Variants in ANO1 observed in about 807,000 individuals in gnomAD.
ANO1 encodes the protein anoctamin 1.
In ANO1, 59 loss-of-function variants were observed where a neutral mutation model predicts 124.0. The observed-to-expected ratio is 0.48, with a 90% CI of 0.39 to 0.59. The LOEUF is 0.59. ANO1 is among the 20% of genes least tolerant of loss of function. The probability of loss-of-function intolerance (pLI) is 0.00; values close to 1 mark genes in which losing one functional copy is unlikely to be tolerated. For missense variants in ANO1, 1,059 were observed against 1,328.0 expected, an observed-to-expected ratio of 0.80 and a Z score of 3.15; for synonymous variants, 529 against 532.0, an observed-to-expected ratio of 0.99 and a Z score of 0.08.
intron 7 of ANO1, 52 bp from the exon 8 acceptor site, chr11:70,116,406 C>T: frequency 6.5e-7 from 1 of 1,535,990 alleles, no homozygotes; most frequent in Non-Finnish European, 8.9e-7. Context: ...ATGTGAGCGC[C>T]TCCAAAGCTC....
At chr11:70,108,797 G>A (rs1015359543) in intron 6 of ANO1, among the ~76,000 whole-genome samples, 3 of 152,258 alleles carry the variant, frequency 2.0e-5, no homozygotes, top group South Asian at 2.1e-4. Flanking sequence ...TGGCTGTTCC[G>A]GACCCTTAAA....
intron 1 of ANO1, among the ~76,000 whole-genome samples, chr11:70,081,427 A>G (rs2044196776): frequency 6.6e-6 from 1 of 152,210 alleles, no homozygotes; most frequent in African/African-American, 2.4e-5. Context: ...AACGTGCCCC[A>G]TAATCGTACA....
chr11:70,172,540 G>C (rs1161169584), intron 22 of ANO1, among the ~76,000 whole-genome samples: 1 of 152,166 alleles, frequency 6.6e-6, no homozygotes, highest in Non-Finnish European at 1.5e-5. Flanking sequence ...ATAGCTTTGG[G>C]TTGAGCTTTT....
chr11:70,164,745 G>A (rs547160279), intron 19 of ANO1, among the ~76,000 whole-genome samples: 2 of 152,292 alleles, frequency 1.3e-5, no homozygotes, highest in African/African-American at 4.8e-5. Context: ...AGGGACATTA[G>A]GCCTCAGAGG....
rs1316084903 is a variant in ANO1, at chr11:70,108,419, G to A, written c.799+15G>A. 3.1e-6 allele frequency: 5 copies of A among 1,610,566 alleles called. No individual in the cohort carries two copies. Among genetic ancestry groups the A allele is most frequent in the African/African-American group, 1.3e-5 (1 of 74,950 alleles). ...GTACAGCATGGGTAAGCACGTTTTT[G>A]GGGCTTGAGATCAGCATTGGTTTCC... On this transcript the variant is annotated intron_variant, in intron 6 of 25. Transcript: ENST00000355303.
chr11:70,162,820 C>A (rs888156288), intron 18 of ANO1, among the ~76,000 whole-genome samples: 1 of 152,224 alleles, frequency 6.6e-6, no homozygotes, highest in African/African-American at 2.4e-5. Flanking sequence ...CCTAGAAAGC[C>A]GAGAGGTTGT....
chr11:69,977,655 C>T, the ANO1 span, among the ~76,000 whole-genome samples: 25 of 152,346 alleles, frequency 1.6e-4, no homozygotes, highest in East Asian at 4.8e-3. Context: ...GTGCCCATCC[C>T]TGCCAGGGTG....
intron 2 of ANO1, among the ~76,000 whole-genome samples, chr11:70,088,824 G>A (rs1202239747): frequency 1.4e-4 from 21 of 152,206 alleles, no homozygotes; most frequent in Admixed American, 1.3e-3. Flanking sequence ...AGTGAGATGT[G>A]GGTCCAGCTG....
Position 70,188,045 on chromosome 11 carries a change from C to T in ANO1, c.*41C>T, listed in dbSNP as rs776209642. 20 of 1,529,874 alleles carry T rather than the reference C, an allele frequency of 1.3e-5. No individual in the cohort carries two copies. The highest frequency in any genetic ancestry group is 1.2e-4 in the Admixed American group (6 of 50,358). The allele number at this position is 1,529,874 out of a possible 1,614,324, so 94.8% of individuals were successfully genotyped here. A position where few individuals can be genotyped will look rare whatever the true frequency, so the allele number is the denominator to read the frequency against. Reference sequence around the variant, plus strand: ...TGGGCAGGCCAGCCGGGCATCCTGACCGATGGGCACCCTCTCCCAGGGCAG... The same window carrying T: ...TGGGCAGGCCAGCCGGGCATCCTGATCGATGGGCACCCTCTCCCAGGGCAG... On this transcript the variant is annotated 3_prime_UTR_variant, in exon 26 of 26. Transcript: ENST00000355303.
At chr11:69,973,632 G>A in the ANO1 span, among the ~76,000 whole-genome samples, 1 of 152,132 alleles carries the variant, frequency 6.6e-6, no homozygotes, top group African/African-American at 2.4e-5. Context: ...CCCGCACTTT[G>A]GGAGGCCGAA....
At position 70,126,139 on chromosome 11, in the gene ANO1, C is replaced by A. The variant is rs376965274; in HGVS notation, c.1041C>A (p.Ile347=). 6.8e-6 allele frequency: 11 copies of A among 1,613,710 alleles called. No individual in the cohort carries two copies. The Admixed American group carries it at 1.8e-4, about 27-fold the overall frequency. ...CCCAGATGCTCATCCCTGCCTCCATCGTGGGAATCATTGTCTTCCTGTACG... is the reference window on the plus strand; with the variant it reads ...CCCAGATGCTCATCCCTGCCTCCATAGTGGGAATCATTGTCTTCCTGTACG... ...VYTQMLIPAS[I]VGIIVFLYGC... Residue 347 remains isoleucine (I), a synonymous_variant, in exon 10 of 26, where the codon ATC becomes ATA. Transcript: ENST00000355303.
At chr11:70,076,837 C>G (rs1430047805), upstream of ANO1, among the ~76,000 whole-genome samples, 2 of 152,240 alleles carry the variant, frequency 1.3e-5, no homozygotes, top group Non-Finnish European at 2.9e-5. Context: ...ATGGGAGAGT[C>G]TCACTGAGGC....
intron 11 of ANO1, among the ~76,000 whole-genome samples, chr11:70,149,306 T>C (rs984186653): frequency 6.6e-6 from 1 of 152,096 alleles, no homozygotes; most frequent in Non-Finnish European, 1.5e-5. Flanking sequence ...TGAATTCACA[T>C]GAAGTTCTCA....
intron 19 of ANO1, among the ~76,000 whole-genome samples, chr11:70,164,082 A>G (rs898769456): frequency 5.3e-5 from 8 of 152,096 alleles, no homozygotes; most frequent in Admixed American, 2.0e-4. Flanking sequence ...TCCTGGCCAT[A>G]GAAGGTCTGG....
intron 8 of ANO1, among the ~76,000 whole-genome samples, chr11:70,122,440 C>CT (rs2046331068): frequency 6.8e-6 from 1 of 147,604 alleles, no homozygotes. Flanking sequence ...CTCTCCACCT[C>CT]CCCACCTCTC....
At position 70,066,752 on chromosome 11, in the gene ANO1, G is replaced by A. The variant is rs527450817; in HGVS notation, c.59-11790G>A. Among the ~76,000 whole-genome samples, 179 of 152,212 alleles carry A rather than the reference G, an allele frequency of 1.2e-3. 1 individual carries two copies. Among genetic ancestry groups the A allele is most frequent in the African/African-American group, 4.1e-3 (169 of 41,542 alleles). On this transcript the variant is annotated intron_variant, in intron 1 of 27. Transcript: ENST00000531349. ...CAGGGATGCTGCCAGCTCCATCACC[G>A]TAACTCCACGGTGGAGCAAAGCACC...
At chr11:70,174,920 A>AAAAAGAAAAGAAAAG (rs59754818) in intron 22 of ANO1, among the ~76,000 whole-genome samples, 453 of 149,934 alleles carry the variant, frequency 3.0e-3, no homozygotes, top group African/African-American at 8.9e-3. Flanking sequence ...AAAGAAAAGA[A>AAAAAGAAAAGAAAAG]AAAAGAAAAG....
chr11:70,055,455 G>C (rs1555006716), intron 1 of ANO1, among the ~76,000 whole-genome samples: 1 of 151,546 alleles, frequency 6.6e-6, no homozygotes, highest in African/African-American at 2.4e-5. Context: ...TTCTTATTTT[G>C]AAATATATTT....
chr11:70,161,600 A>G (rs1470548277), intron 17 of ANO1, 22 bp from the exon 18 acceptor site: 8 of 1,611,502 alleles, frequency 5.0e-6, no homozygotes, highest in East Asian at 2.2e-5. Flanking sequence ...CAGCCTCAGT[A>G]TCATCCTACC....
Sources: gnomAD v4.1 joint callset for allele counts (sites outside exome capture counted in the v4.1 genomes callset) on GRCh38, gnomAD v4.1.1 for gene constraint, MANE v1.5 for transcripts, NCBI Gene and HGNC (gene_info 2026-07-23, HGNC 2026-07-21) for gene names.